FRMPD2: variants seen among roughly 807,000 people sequenced by gnomAD.
FRMPD2 encodes FERM and PDZ domain-containing protein 2.
FRMPD2 carries 96 observed loss-of-function variants against 140.1 expected under a neutral mutation model. That is an observed-to-expected ratio of 0.69 (90% CI 0.58 to 0.81). The LOEUF (loss-of-function observed/expected upper bound fraction) is 0.81. FRMPD2 is among the 40% of genes least tolerant of loss of function. The pLI is 0.00. For missense variants in FRMPD2, 1,240 were observed against 1,447.4 expected, an observed-to-expected ratio of 0.86 and a Z score of 2.32; for synonymous variants, 449 against 547.6, an observed-to-expected ratio of 0.82 and a Z score of 2.52.
chr10:48,161,317 C>T (rs1174730601), intron 28 of FRMPD2, among the ~76,000 whole-genome samples: 5 of 150,624 alleles, frequency 3.3e-5, no homozygotes, highest in Non-Finnish European at 5.9e-5. Context: ...CTGGTATACC[C>T]TTGCAAATAG....
chr10:48,234,854 T>G (rs1265608890), intron 9 of FRMPD2, among the ~76,000 whole-genome samples: 1 of 152,158 alleles, frequency 6.6e-6, no homozygotes, highest in Non-Finnish European at 1.5e-5. Flanking sequence ...GCCTGGAGTC[T>G]TGGTACCTAA....
chr10:48,185,661 G>A lies in FRMPD2; in HGVS notation c.2267-16C>T. On this transcript the variant is annotated splice_polypyrimidine_tract_variant and intron_variant, in intron 17 of 28. Transcript: ENST00000374201. ...TTCTTTGAGCCTAGAGGTAGAATCA[G>A]AGCACCACATTGTGCTTTTCCCCCA... is the stretch of plus-strand genomic sequence containing the variant. The A allele has an allele frequency of 6.3e-7, 1 of 1,593,870 alleles. No homozygotes were observed. Among genetic ancestry groups the A allele is most frequent in the Non-Finnish European group, 8.6e-7 (1 of 1,161,634 alleles).
intron 13 of FRMPD2, among the ~76,000 whole-genome samples, chr10:48,211,423 T>C (rs280617): frequency 0.97 from 148,201 of 152,300 alleles, 72,266 homozygotes; most frequent in East Asian, 1. Flanking sequence ...CTTGTACTTC[T>C]GTTGTCCTAT....
At chr10:48,260,830 T>C (rs1297202297) in intron 1 of FRMPD2, among the ~76,000 whole-genome samples, 1 of 152,202 alleles carries the variant, frequency 6.6e-6, no homozygotes, top group Admixed American at 6.5e-5. Context: ...GCAGAAATCT[T>C]GGGATTATCA....
intron 14 of FRMPD2, among the ~76,000 whole-genome samples, chr10:48,202,376 C>T (rs1405120201): frequency 6.6e-6 from 1 of 152,144 alleles, no homozygotes; most frequent in African/African-American, 2.4e-5. Flanking sequence ...CTAAGAAACT[C>T]CATTCACGCA....
chr10:48,232,086 C>A (rs899410529), intron 10 of FRMPD2, 29 bp downstream of exon 10: 16 of 1,612,206 alleles, frequency 9.9e-6, no homozygotes, highest in African/African-American at 2.7e-5. Context: ...GGCACCAGGC[C>A]AGCTGTGAGC....
intron 15 of FRMPD2, among the ~76,000 whole-genome samples, chr10:48,196,666 A>G (rs1276849606): frequency 1.3e-5 from 2 of 152,204 alleles, no homozygotes; most frequent in Non-Finnish European, 2.9e-5. Flanking sequence ...TGGGACCATC[A>G]GCTGGAGGCG....
chr10:48,231,670 C>T (rs551235093), intron 10 of FRMPD2, among the ~76,000 whole-genome samples: 51 of 152,180 alleles, frequency 3.4e-4, no homozygotes, highest in African/African-American at 7.5e-4. Context: ...CATTTTAGGT[C>T]GACAGCAGAA....
chr10:48,230,168 T>C (rs1460676020), intron 10 of FRMPD2, among the ~76,000 whole-genome samples: 4 of 152,196 alleles, frequency 2.6e-5, no homozygotes, highest in African/African-American at 9.6e-5. Context: ...TTTACAACAA[T>C]ATAATAAAGT....
chr10:48,204,473 A>C (rs1389400269), intron 14 of FRMPD2, among the ~76,000 whole-genome samples: 1 of 152,240 alleles, frequency 6.6e-6, no homozygotes. Context: ...ATGCTAGAAG[A>C]AAAACTAAAC....
intron 1 of FRMPD2, among the ~76,000 whole-genome samples, chr10:48,266,036 CA>C (rs573449835): frequency 2.6e-5 from 4 of 151,944 alleles, no homozygotes; most frequent in African/African-American, 7.3e-5. Context: ...TATGCAGCCA[CA>C]AAAAAGAATG....
chr10:48,234,055 G>A (rs1839912334), intron 9 of FRMPD2, among the ~76,000 whole-genome samples: 1 of 152,224 alleles, frequency 6.6e-6, no homozygotes, highest in Non-Finnish European at 1.5e-5. Flanking sequence ...CATGCAAAGG[G>A]TGTAACCCCT....
At chr10:48,180,362 C>G (rs1439621286) in intron 21 of FRMPD2, among the ~76,000 whole-genome samples, 2 of 152,120 alleles carry the variant, frequency 1.3e-5, no homozygotes, top group Non-Finnish European at 2.9e-5. Flanking sequence ...TACACCTACT[C>G]CAGATCCCAT....
At chr10:48,259,167 C>T (rs1348885613) in intron 1 of FRMPD2, among the ~76,000 whole-genome samples, 2 of 152,190 alleles carry the variant, frequency 1.3e-5, no homozygotes, top group East Asian at 3.8e-4. Flanking sequence ...TTAGTTGAAT[C>T]CTCACCAATT....
At chr10:48,254,559 T>C (rs1840451845) in intron 1 of FRMPD2, among the ~76,000 whole-genome samples, 1 of 152,222 alleles carries the variant, frequency 6.6e-6, no homozygotes, top group South Asian at 2.1e-4. Flanking sequence ...ACAATTAACA[T>C]TGTTATCTCT....
At position 48,238,055 on chromosome 10, in the gene FRMPD2, G is replaced by A. The variant is rs762775796; in HGVS notation, c.857C>T (p.Ser286Leu). Residue 286 changes from serine (S) to leucine (L), a missense_variant, in exon 8 of 29, where the codon TCG (serine) becomes TTG (leucine). Ser to Leu is a moderately radical substitution (Grantham distance 145). Transcript: ENST00000374201. ...GRRLSSGSVH[S>L]AADSSWPTTP... ...TGTTGGCCATGAGCTGTCTGCTGCC[G>A]AGTGCACAGATCCAGAGCTGAGCCT... 33 of 1,613,866 alleles carry A rather than the reference G, an allele frequency of 2.0e-5. No homozygotes were observed. In the Middle Eastern group the frequency reaches 1.3e-3, roughly 64 times the overall value.
chr10:48,167,690 G>A (rs1177762602), intron 27 of FRMPD2, among the ~76,000 whole-genome samples: 1 of 150,828 alleles, frequency 6.6e-6, no homozygotes, highest in Admixed American at 6.6e-5. Context: ...ATGGGTAATT[G>A]TATCTGTCAA....
At chr10:48,239,243 T>C (rs1309670039) in intron 7 of FRMPD2, among the ~76,000 whole-genome samples, 3 of 152,240 alleles carry the variant, frequency 2.0e-5, no homozygotes, top group Non-Finnish European at 2.9e-5. Flanking sequence ...CACAGAATCA[T>C]GAGCTAAATT....
intron 28 of FRMPD2, among the ~76,000 whole-genome samples, chr10:48,161,585 T>C (rs1341089683): frequency 6.6e-6 from 1 of 151,400 alleles, no homozygotes; most frequent in African/African-American, 2.4e-5. Context: ...GCTGGCCCCA[T>C]AAGAACAGCA....
Sources: gnomAD v4.1 joint callset for allele counts (sites outside exome capture counted in the v4.1 genomes callset) on GRCh38, gnomAD v4.1.1 for gene constraint, MANE v1.5 for transcripts, NCBI Gene and HGNC (gene_info 2026-07-23, HGNC 2026-07-21) for gene names.